Variants in KANK1 observed in about 807,000 individuals in gnomAD.
KANK1 encodes KN motif and ankyrin repeat domain-containing protein 1.
In KANK1, 109 loss-of-function variants were observed where a neutral mutation model predicts 106.2. That is an observed-to-expected ratio of 1.03 (90% CI 0.88 to 1.20). KANK1 has a LOEUF of 1.20. Among genes scored for constraint, KANK1 ranks in the 50% most tolerant of loss-of-function variants. KANK1 has a pLI of 0.00. For synonymous variants in KANK1, 873 were observed against 652.2 expected (o/e 1.34, Z -5.16); for missense variants, 2,399 against 1,710.7 (o/e 1.40, Z -7.10).
chr9:539,262 C>G (rs1179784874), intron 1 of KANK1, among the ~76,000 whole-genome samples: 2 of 152,124 alleles, frequency 1.3e-5, no homozygotes, highest in Non-Finnish European at 2.9e-5. Context: ...TAGTTCCATA[C>G]AATATTTTTT....
intron 1 of KANK1, among the ~76,000 whole-genome samples, chr9:530,373 T>A (rs1171831795): frequency 1.3e-5 from 2 of 152,210 alleles, no homozygotes; most frequent in Non-Finnish European, 2.9e-5. Context: ...TATATTTAAA[T>A]TATTTATCCA....
chr9:617,460 A>G (rs1303560351), intron 1 of KANK1, among the ~76,000 whole-genome samples: 1 of 152,166 alleles, frequency 6.6e-6, no homozygotes, highest in Non-Finnish European at 1.5e-5. Context: ...GTTTAGTCTA[A>G]GAAGTAGTTA....
At chr9:566,758 GT>G (rs1345375795) in intron 1 of KANK1, among the ~76,000 whole-genome samples, 2 of 150,424 alleles carry the variant, frequency 1.3e-5, no homozygotes, top group African/African-American at 4.9e-5. Flanking sequence ...TTAGACTTTT[GT>G]CAGATGGATA....
At chr9:685,468 C>G (rs1458082909) in intron 2 of KANK1, 1 of 152,154 alleles carries the variant, frequency 6.6e-6, no homozygotes. Context: ...TGCTAAGGGA[C>G]AAATTGTTGG....
At chr9:534,157 T>G (rs1011769973) in intron 1 of KANK1, among the ~76,000 whole-genome samples, 1 of 152,098 alleles carries the variant, frequency 6.6e-6, no homozygotes, top group Non-Finnish European at 1.5e-5. Flanking sequence ...GGGCATAGAG[T>G]AATAAATAGT....
At chr9:471,287 C>T (rs1375530682) in intron 2 of KANK1, among the ~76,000 whole-genome samples, 1 of 152,090 alleles carries the variant, frequency 6.6e-6, no homozygotes, top group Non-Finnish European at 1.5e-5. Context: ...AGGAGGGGCA[C>T]TATGTACTGG....
chr9:714,112 C>G (rs1190966226), intron 3 of KANK1, among the ~76,000 whole-genome samples: 2 of 152,026 alleles, frequency 1.3e-5, no homozygotes, highest in Non-Finnish European at 2.9e-5. Flanking sequence ...TACTTGGATT[C>G]CTACTCTGTC....
chr9:711,230 C>G lies in KANK1; in HGVS notation c.464C>G (p.Thr155Ser). 6 of 1,614,146 alleles carry G rather than the reference C, an allele frequency of 3.7e-6. No individual in the cohort carries two copies. In the South Asian group the frequency reaches 5.5e-5, roughly 15 times the overall value. Residue 155 changes from threonine to serine, a missense_variant, in exon 3 of 12, where the codon ACC (threonine) becomes AGC (serine). Physicochemically the swap from Thr to Ser is moderately conservative, Grantham distance 58. Coordinates refer to ENST00000382297, the MANE Select transcript of KANK1 (RefSeq NM_015158.5). ...CTCCCAAAGCATAACCTTCATGTCACCAAGACACTGATGGAGACCCGGAGA... is the reference window on the plus strand; with the variant it reads ...CTCCCAAAGCATAACCTTCATGTCAGCAAGACACTGATGGAGACCCGGAGA... ...PQLPKHNLHVTKTLMETRRRL... is the reference protein window; with the variant it reads ...PQLPKHNLHVSKTLMETRRRL...
intron 1 of KANK1, among the ~76,000 whole-genome samples, chr9:571,079 G>T (rs1400843061): frequency 2.0e-5 from 3 of 152,146 alleles, no homozygotes; most frequent in African/African-American, 7.2e-5. Flanking sequence ...AATGGGACCA[G>T]TTTGCACCTC....
chr9:706,743 G>C (rs1330741159), intron 2 of KANK1: 1 of 981,552 alleles, frequency 1.0e-6, no homozygotes, highest in Non-Finnish European at 1.2e-6. Flanking sequence ...AGAAGAGTCA[G>C]GCAGTGCTCT....
chr9:524,719 T>C (rs1476603196), intron 1 of KANK1, among the ~76,000 whole-genome samples: 1 of 151,608 alleles, frequency 6.6e-6, no homozygotes, highest in Non-Finnish European at 1.5e-5. Flanking sequence ...CATTTCACCA[T>C]GTTGGCCAGC....
At chr9:572,930 T>G (rs1468290934) in intron 1 of KANK1, among the ~76,000 whole-genome samples, 1 of 152,230 alleles carries the variant, frequency 6.6e-6, no homozygotes. Flanking sequence ...TTTCATACTT[T>G]GCAGTCTCAT....
intron 1 of KANK1, among the ~76,000 whole-genome samples, chr9:543,016 A>G (rs1042215996): frequency 1.2e-4 from 19 of 152,188 alleles, no homozygotes; most frequent in Non-Finnish European, 1.9e-4. Context: ...TTACTAAGAG[A>G]TTAGCTCTCA....
intron 1 of KANK1, among the ~76,000 whole-genome samples, chr9:508,900 C>T (rs1021209842): frequency 2.0e-5 from 3 of 152,148 alleles, no homozygotes; most frequent in Non-Finnish European, 4.4e-5. Flanking sequence ...CAAATGTGTA[C>T]ATTTGTACAA....
intron 7 of KANK1, among the ~76,000 whole-genome samples, chr9:737,223 A>C (rs961419649): frequency 6.6e-6 from 1 of 152,154 alleles, no homozygotes; most frequent in Non-Finnish European, 1.5e-5. Context: ...GAATATATAC[A>C]GAAAAAAAAG....
chr9:502,422 G>A (rs1349343092), upstream of KANK1, among the ~76,000 whole-genome samples: 1 of 152,078 alleles, frequency 6.6e-6, no homozygotes, highest in Non-Finnish European at 1.5e-5. Flanking sequence ...ACTTTTGATT[G>A]ATTCGTTTTG....
chr9:596,718 T>A (rs991345582), intron 1 of KANK1, among the ~76,000 whole-genome samples: 7 of 151,820 alleles, frequency 4.6e-5, no homozygotes, highest in Non-Finnish European at 1.0e-4. Flanking sequence ...ACATTTTTTT[T>A]AACTTTTATT....
intron 1 of KANK1, among the ~76,000 whole-genome samples, chr9:507,465 C>T (rs1220441190): frequency 6.6e-6 from 1 of 152,132 alleles, no homozygotes; most frequent in Admixed American, 6.5e-5. Context: ...TATCAGCTCA[C>T]TGCAACCTCC....
intron 7 of KANK1, among the ~76,000 whole-genome samples, chr9:736,839 C>T (rs1324721030): frequency 6.6e-6 from 1 of 152,228 alleles, no homozygotes; most frequent in African/African-American, 2.4e-5. Flanking sequence ...TATTTCCCAT[C>T]AGGTTTAACC....
Sources: allele counts gnomAD v4.1 joint callset (sites outside exome capture counted in the v4.1 genomes callset), GRCh38; gene constraint gnomAD v4.1.1; transcripts MANE v1.5; gene names NCBI Gene and HGNC (gene_info 2026-07-23, HGNC 2026-07-21).